The following CCDC178 variants were observed in gnomAD, a reference collection of about 807,000 sequenced individuals.
CCDC178 encodes coiled-coil domain-containing protein 178.
Under a neutral mutation model 117.4 loss-of-function variants are expected in CCDC178, and 126 were observed. The observed-to-expected ratio is 1.07, with a 90% CI of 0.93 to 1.24. The LOEUF (loss-of-function observed/expected upper bound fraction) is 1.24, where lower values mean the gene tolerates loss of function less well. CCDC178 is among the 50% of genes most tolerant of loss of function. The pLI, the probability that CCDC178 is intolerant of heterozygous loss-of-function variation, is 0.00. For missense variants in CCDC178, 1,030 were observed against 986.9 expected (o/e 1.04, Z -0.59); for synonymous variants, 283 against 313.4 (o/e 0.90, Z 1.02).
Position 33,323,630 on chromosome 18 carries a change from T to C in CCDC178, c.883A>G (p.Met295Val), listed in dbSNP as rs772151254. ...TCATTAACTTTTCTGTGTAGGTCCA[T>C]TACCTAGAAATGAAAATATTTTTGC... is the stretch of plus-strand genomic sequence containing the variant. Reference protein sequence around the residue: ...KNHYKKKMEVMDLHRKVNEEL... With the variant: ...KNHYKKKMEVVDLHRKVNEEL... Residue 295 changes from methionine (M) to valine (V), a missense_variant, in exon 11 of 23, where the codon ATG (methionine) becomes GTG (valine). Coordinates refer to ENST00000383096, the MANE Select transcript of CCDC178 (RefSeq NM_001105528.4). 1 of 1,494,012 alleles carries C rather than the reference T, an allele frequency of 6.7e-7. No individual in the cohort carries two copies. Among genetic ancestry groups the C allele is most frequent in the Non-Finnish European group, 8.9e-7 (1 of 1,123,040 alleles). 92.5% of individuals were successfully genotyped at this position (1,494,012 alleles called of 1,614,324 possible).
At chr18:33,398,286 T>C (rs1375301296) in intron 3 of CCDC178, among the ~76,000 whole-genome samples, 2 of 151,990 alleles carry the variant, frequency 1.3e-5, no homozygotes, top group Non-Finnish European at 2.9e-5. Flanking sequence ...TTATATTCCA[T>C]GATAAGATAT....
chr18:33,365,773 C>T (rs1369082070), intron 6 of CCDC178, among the ~76,000 whole-genome samples: 1 of 151,854 alleles, frequency 6.6e-6, no homozygotes, highest in East Asian at 1.9e-4. Flanking sequence ...GTAGTGCTCA[C>T]TCTAAATTAA....
intron 11 of CCDC178, among the ~76,000 whole-genome samples, chr18:33,322,875 C>T (rs542460406): frequency 6.6e-6 from 1 of 151,230 alleles, no homozygotes; most frequent in Non-Finnish European, 1.5e-5. Flanking sequence ...ACTATAAATT[C>T]TTTTATACTA....
intron 20 of CCDC178, among the ~76,000 whole-genome samples, chr18:33,205,720 G>A (rs766206436): frequency 1.7e-4 from 26 of 152,284 alleles, no homozygotes; most frequent in Middle Eastern, 3.4e-3. Context: ...TTTGAGATAC[G>A]TGTTCACTCT....
chr18:33,131,447 T>C (rs1262422435), intron 20 of CCDC178, among the ~76,000 whole-genome samples: 1 of 151,534 alleles, frequency 6.6e-6, no homozygotes, highest in East Asian at 1.9e-4. Context: ...ACAATAAAAG[T>C]GACAATTTCA....
chr18:33,421,008 A>G (rs372302106), intron 2 of CCDC178, among the ~76,000 whole-genome samples: 164 of 152,326 alleles, frequency 1.1e-3, no homozygotes, highest in African/African-American at 2.9e-3. Context: ...AGAAGCAATT[A>G]GAGGAGATGG....
At chr18:33,280,509 T>C (rs1471853158) in intron 12 of CCDC178, among the ~76,000 whole-genome samples, 1 of 151,748 alleles carries the variant, frequency 6.6e-6, no homozygotes, top group East Asian at 1.9e-4. Context: ...TTGGTGGGAC[T>C]GTAAACTAGT....
chr18:33,293,281 C>A lies in CCDC178; in HGVS notation c.1054G>T (p.Asp352Tyr). The A allele has an allele frequency of 6.5e-7, 1 of 1,535,890 alleles. No individual in the cohort carries two copies. The change falls in exon 12 of 23, where the codon GAT becomes TAT. Residue 352 changes from aspartate to tyrosine, a missense_variant. Transcript: ENST00000383096. ...REIYQLNSLF[D>Y]HYSSSVINVN... ...TTTATCACTGATGAAGAGTAATGAT[C>A]AAATAGACTGTTAAGTTGATATATC...
At chr18:32,992,687 T>C (rs1002204345) in intron 21 of CCDC178, among the ~76,000 whole-genome samples, 9 of 152,144 alleles carry the variant, frequency 5.9e-5, no homozygotes, top group African/African-American at 1.9e-4. Flanking sequence ...AAGTGATAAG[T>C]TGGTGAGGCA....
At position 33,074,738 on chromosome 18, in the gene CCDC178, C is replaced by A. The variant is rs535618493; in HGVS notation, c.2388+18023G>T. Among the ~76,000 whole-genome samples, 788 of 152,160 alleles carry A rather than the reference C, an allele frequency of 5.2e-3. 5 individuals are homozygous for A. Among genetic ancestry groups the A allele is most frequent in the Non-Finnish European group, 5.4e-3 (364 of 68,004 alleles). On this transcript the variant is annotated intron_variant, in intron 21 of 22. Coordinates refer to ENST00000383096, the MANE Select transcript of CCDC178 (RefSeq NM_001105528.4). ...GTTGAGCTATTGAGCAAGATGAGACCAGATACACCCTATGGGGTTTGACAT... is the reference window on the plus strand; with the variant it reads ...GTTGAGCTATTGAGCAAGATGAGACAAGATACACCCTATGGGGTTTGACAT...
At chr18:33,409,015 C>A (rs1334086330) in intron 3 of CCDC178, among the ~76,000 whole-genome samples, 1 of 152,132 alleles carries the variant, frequency 6.6e-6, no homozygotes, top group African/African-American at 2.4e-5. Context: ...TTTTACAGAA[C>A]AATTTGAAAA....
At chr18:33,102,224 T>C (rs2057639139) in intron 20 of CCDC178, among the ~76,000 whole-genome samples, 1 of 151,816 alleles carries the variant, frequency 6.6e-6, no homozygotes, top group African/African-American at 2.4e-5. Flanking sequence ...AGGTCACACA[T>C]GGACAGAACA....
chr18:33,087,794 T>A (rs927903636), intron 21 of CCDC178, among the ~76,000 whole-genome samples: 14 of 152,176 alleles, frequency 9.2e-5, no homozygotes, highest in Admixed American at 8.5e-4. Flanking sequence ...CAACAAGCAA[T>A]ACTAAATACT....
chr18:33,281,097 TATAATA>T (rs35235042), intron 12 of CCDC178, among the ~76,000 whole-genome samples: 4 of 145,584 alleles, frequency 2.7e-5, no homozygotes, highest in Non-Finnish European at 6.0e-5. Context: ...AAACTTAAAG[TATAATA>T]ATAATAATAA....
At chr18:33,403,044 T>C (rs544690750) in intron 3 of CCDC178, among the ~76,000 whole-genome samples, 149 of 152,324 alleles carry the variant, frequency 9.8e-4, no homozygotes, top group African/African-American at 3.2e-3. Flanking sequence ...CTCTCACCCA[T>C]ATAACCAAAT....
At chr18:33,320,934 C>T (rs896374654) in intron 11 of CCDC178, among the ~76,000 whole-genome samples, 22 of 152,192 alleles carry the variant, frequency 1.4e-4, no homozygotes, top group Middle Eastern at 6.8e-3. Context: ...GAAATAATAC[C>T]ACACATCTAC....
At chr18:33,377,424 C>T (rs1035903522) in intron 5 of CCDC178, among the ~76,000 whole-genome samples, 2 of 142,852 alleles carry the variant, frequency 1.4e-5, no homozygotes, top group Non-Finnish European at 3.1e-5. Context: ...GTTTCTTTTG[C>T]TGTCCAAAAG....
intron 11 of CCDC178, among the ~76,000 whole-genome samples, chr18:33,306,619 G>A (rs2062258458): frequency 7.7e-6 from 1 of 129,704 alleles, no homozygotes; most frequent in African/African-American, 2.8e-5. Context: ...TATATATATG[G>A]TTATATATAT....
chr18:33,289,808 T>A (rs2144862049), intron 12 of CCDC178, among the ~76,000 whole-genome samples: 1 of 152,216 alleles, frequency 6.6e-6, no homozygotes, highest in South Asian at 2.1e-4. Flanking sequence ...ATGCATAAAA[T>A]GATGGAAAAT....
Sources: gnomAD v4.1 joint callset for allele counts (sites outside exome capture counted in the v4.1 genomes callset) on GRCh38, gnomAD v4.1.1 for gene constraint, MANE v1.5 for transcripts, NCBI Gene and HGNC (gene_info 2026-07-23, HGNC 2026-07-21) for gene names.